The following CACNA1D variants were observed in gnomAD, a reference collection of about 807,000 sequenced individuals.
CACNA1D encodes voltage-dependent L-type calcium channel subunit alpha-1D.
In CACNA1D, 55 loss-of-function variants were observed where a neutral mutation model predicts 257.1. That is an observed-to-expected ratio of 0.21 (90% CI 0.17 to 0.27). The LOEUF (loss-of-function observed/expected upper bound fraction) is 0.27. Among genes scored for constraint, CACNA1D ranks in the 10% least tolerant of loss-of-function variants. The pLI is 1.00. For missense variants in CACNA1D, 1,876 were observed against 2,784.0 expected (o/e 0.67, Z 7.34); for synonymous variants, 980 against 1,014.9 (o/e 0.97, Z 0.65).
chr3:53,804,701 G>A (rs895612367), intron 44 of CACNA1D, among the ~76,000 whole-genome samples: 1 of 152,236 alleles, frequency 6.6e-6, no homozygotes, highest in Non-Finnish European at 1.5e-5. Flanking sequence ...CGGAGGAAAT[G>A]AGTGGGTGAG....
intron 15 of CACNA1D, among the ~76,000 whole-genome samples, chr3:53,730,033 G>A (rs1576483043): frequency 1.3e-5 from 2 of 151,530 alleles, no homozygotes; most frequent in East Asian, 1.9e-4. Flanking sequence ...ATATGTTGTA[G>A]TTGTAGTATG....
chr3:53,583,013 A>G (rs936052240), intron 3 of CACNA1D, among the ~76,000 whole-genome samples: 1 of 152,092 alleles, frequency 6.6e-6, no homozygotes, highest in Non-Finnish European at 1.5e-5. Context: ...AAATCATGTG[A>G]AGTTTGTAGT....
chr3:53,749,933 G>A (rs902926492), intron 27 of CACNA1D, among the ~76,000 whole-genome samples: 1 of 152,196 alleles, frequency 6.6e-6, no homozygotes, highest in African/African-American at 2.4e-5. Context: ...AGCAGCATCC[G>A]TGGCTTCCAG....
chr3:53,770,003 A>G lies in CACNA1D; in HGVS notation c.3901A>G (p.Thr1301Ala), dbSNP rs2095357546. The change falls in exon 31 of 48, where the codon ACT (threonine) becomes GCT (alanine). Residue 1301 changes from threonine (T) to alanine (A), a missense_variant. By Grantham distance (58) the Thr-to-Ala change is moderately conservative. Around this residue, in one of 10 missense-constraint regions of CACNA1D, gnomAD observed 204 missense variants for 309.4 expected, o/e 0.66. Transcript: ENST00000350061. Reference sequence around the variant, plus strand: ...TGAAAGTGAAAATGTCCCTGTCCCAACTGCTACACCTGGGGTAAGATCAGT... The same window carrying G: ...TGAAAGTGAAAATGTCCCTGTCCCAGCTGCTACACCTGGGGTAAGATCAGT... ...PTESENVPVP[T>A]ATPGNSEESN... 3.1e-6 allele frequency: 5 copies of G among 1,613,332 alleles called. No homozygotes were observed. Among genetic ancestry groups the G allele is most frequent in the Non-Finnish European group, 3.4e-6 (4 of 1,179,256 alleles).
chr3:53,732,482 C>T (rs931297046), intron 18 of CACNA1D, among the ~76,000 whole-genome samples: 4 of 152,100 alleles, frequency 2.6e-5, no homozygotes, highest in Admixed American at 1.3e-4. Context: ...CTAGTCTGAG[C>T]GAGGAGGTTA....
intron 3 of CACNA1D, among the ~76,000 whole-genome samples, chr3:53,631,228 C>T (rs1469459941): frequency 2.0e-5 from 3 of 152,240 alleles, no homozygotes; most frequent in East Asian, 3.8e-4. Context: ...AAATTGGAGT[C>T]AATCCTCTCA....
In CACNA1D at chr3:53,811,471, C is replaced by T; in HGVS notation, c.*65C>T. 7.2e-7 allele frequency: 1 copy of T among 1,383,384 alleles called. No homozygotes were observed. The highest frequency in any genetic ancestry group is 1.5e-5 in the South Asian group (1 of 67,494). The allele number at this position is 1,383,384 out of a possible 1,614,324, so 85.7% of individuals were successfully genotyped here. A position where few individuals can be genotyped will look rare whatever the true frequency, so the allele number is the denominator to read the frequency against. ...GCGCAGGAGAGCCAGGGGAAAAGTG[C>T]CTCATAGTTAGGAAAGTTTAGGCAC... On this transcript the variant is annotated 3_prime_UTR_variant, in exon 48 of 48. Transcript: ENST00000350061. The surrounding 1 kb of genome is among the most constrained non-coding windows in gnomAD (Gnocchi z 4.2).
chr3:53,717,152 A>G (rs116478970), intron 9 of CACNA1D, among the ~76,000 whole-genome samples: 36 of 152,338 alleles, frequency 2.4e-4, no homozygotes, highest in African/African-American at 8.2e-4. Context: ...AACAGTCACT[A>G]CAGTTCAAAG....
At chr3:53,680,508 T>C (rs17053338) in intron 8 of CACNA1D, among the ~76,000 whole-genome samples, 9,272 of 152,260 alleles carry the variant, frequency 0.061, 342 homozygotes, top group Non-Finnish European at 0.074. Context: ...GGGTTGTTGA[T>C]GTGCAGGTTA....
chr3:53,645,388 T>C (rs1008246542), intron 3 of CACNA1D, among the ~76,000 whole-genome samples: 4 of 152,240 alleles, frequency 2.6e-5, no homozygotes, highest in Non-Finnish European at 4.4e-5. Flanking sequence ...CAAAAATCTT[T>C]GCCCTGTCTA....
chr3:53,654,989 T>C (rs1260906200), intron 4 of CACNA1D, among the ~76,000 whole-genome samples: 1 of 152,128 alleles, frequency 6.6e-6, no homozygotes, highest in Non-Finnish European at 1.5e-5. Context: ...ATCATTATCA[T>C]GAAGAAAGGA....
intron 25 of CACNA1D, among the ~76,000 whole-genome samples, chr3:53,746,897 C>G (rs2108849893): frequency 6.6e-6 from 1 of 152,314 alleles, no homozygotes; most frequent in South Asian, 2.1e-4. Context: ...TTGATTAAAA[C>G]TAAAATGCAG....
intron 8 of CACNA1D, among the ~76,000 whole-genome samples, chr3:53,688,406 C>T (rs1021709911): frequency 7.9e-5 from 12 of 152,218 alleles, no homozygotes; most frequent in Admixed American, 3.9e-4. Context: ...GTATACTTCA[C>T]GTTTCCAAAT....
At chr3:53,630,387 G>T (rs1037768748) in intron 3 of CACNA1D, among the ~76,000 whole-genome samples, 4 of 152,176 alleles carry the variant, frequency 2.6e-5, no homozygotes, top group Non-Finnish European at 5.9e-5. Flanking sequence ...AATAAAACAT[G>T]TAACATTGCT....
chr3:53,813,228 A>C lies in CACNA1D; in HGVS notation c.*1822A>C, dbSNP rs974842884. ...AGACATTCTTACTCTGATCCAGGCA[A>C]AAACACTTCAAGGTTTGTAAATGAC... is the stretch of plus-strand genomic sequence containing the variant. On this transcript the variant is annotated 3_prime_UTR_variant, in exon 48 of 48. Coordinates refer to ENST00000350061, the MANE Select transcript of CACNA1D (RefSeq NM_001128840.3). 6.6e-6 allele frequency: 1 copy of C among 152,008 alleles called. No individual in the cohort carries two copies. The highest frequency in any genetic ancestry group is 1.9e-4 in the East Asian group (1 of 5,190). The allele number at this position is 152,008 out of a possible 1,614,324, so 9.4% of individuals were successfully genotyped here.
chr3:53,602,715 A>G (rs962279557), intron 3 of CACNA1D, among the ~76,000 whole-genome samples: 10 of 152,178 alleles, frequency 6.6e-5, no homozygotes, highest in African/African-American at 2.4e-4. Flanking sequence ...GATGCTGAGC[A>G]TTTCTTCATA....
At chr3:53,730,834 T>C (rs2094984161) in intron 16 of CACNA1D, among the ~76,000 whole-genome samples, 1 of 152,272 alleles carries the variant, frequency 6.6e-6, no homozygotes, top group African/African-American at 2.4e-5. Flanking sequence ...AAATAAATGA[T>C]GCATTCAATG....
intron 3 of CACNA1D, among the ~76,000 whole-genome samples, chr3:53,616,983 C>T (rs1559922370): frequency 6.6e-6 from 1 of 152,020 alleles, no homozygotes; most frequent in South Asian, 2.1e-4. Context: ...TGACTTATGC[C>T]TCTTGAACCT....
chr3:53,725,001 T>C (rs1576468180), intron 14 of CACNA1D, among the ~76,000 whole-genome samples: 1 of 55,540 alleles, frequency 1.8e-5, no homozygotes, highest in East Asian at 9.9e-4. Flanking sequence ...GAGAAACTGG[T>C]GTCTTTTTTT....
Sources: allele counts gnomAD v4.1 joint callset (sites outside exome capture counted in the v4.1 genomes callset), GRCh38; gene constraint gnomAD v4.1.1; regional missense constraint gnomAD v4.1.1; non-coding constraint Gnocchi (gnomAD v3.1); transcripts MANE v1.5; gene names NCBI Gene and HGNC (gene_info 2026-07-23, HGNC 2026-07-21).